PEX5L: variants seen among roughly 807,000 people sequenced by gnomAD.
PEX5L encodes the protein PEX5-related protein.
PEX5L carries 30 observed loss-of-function variants against 84.0 expected under a neutral mutation model. The ratio of observed to expected loss-of-function variants is 0.36; its 90% CI spans 0.27 to 0.48. The LOEUF (loss-of-function observed/expected upper bound fraction) is 0.48, where lower values mean the gene tolerates loss of function less well. Ranked by LOEUF, PEX5L falls within the 20% of genes least tolerant of loss-of-function variation. PEX5L has a pLI of 0.99. For synonymous variants in PEX5L, 270 were observed against 283.1 expected, an observed-to-expected ratio of 0.95 and a Z score of 0.46; for missense variants, 533 against 754.6, an observed-to-expected ratio of 0.71 and a Z score of 3.44.
intron 1 of PEX5L, among the ~76,000 whole-genome samples, chr3:179,984,680 G>A (rs1786640792): frequency 6.8e-6 from 1 of 147,148 alleles, no homozygotes; most frequent in South Asian, 2.1e-4. Context: ...TAATTATAAA[G>A]TCAATTTGTC....
At chr3:180,007,864 G>A (rs1487432831) in intron 1 of PEX5L, among the ~76,000 whole-genome samples, 1 of 152,178 alleles carries the variant, frequency 6.6e-6, no homozygotes, top group Non-Finnish European at 1.5e-5. Context: ...CCTGGGCCTG[G>A]CCCATGAGGC....
At chr3:179,955,975 T>C (rs1331968076) in intron 2 of PEX5L, among the ~76,000 whole-genome samples, 2 of 152,132 alleles carry the variant, frequency 1.3e-5, no homozygotes, top group Admixed American at 6.6e-5. Context: ...AAGAAAGTGA[T>C]TCATAACCCT....
At chr3:179,804,724 C>T (rs919535808) in intron 14 of PEX5L, among the ~76,000 whole-genome samples, 9 of 152,194 alleles carry the variant, frequency 5.9e-5, no homozygotes, top group Admixed American at 1.3e-4. Context: ...TAAACCAGCT[C>T]CTCGCTTCCT....
chr3:179,942,017 C>CAA (rs11447396), intron 2 of PEX5L, among the ~76,000 whole-genome samples: 4,547 of 88,976 alleles, frequency 0.051, 370 homozygotes, highest in African/African-American at 0.15. Context: ...TGAGACTCCT[C>CAA]AAAAAAAAAA....
chr3:179,922,443 TTTC>T (rs146048987), intron 2 of PEX5L, among the ~76,000 whole-genome samples: 43,625 of 147,262 alleles, frequency 0.3, 6,813 homozygotes, highest in East Asian at 0.59. Context: ...ACTGCTTCCT[TTTC>T]TTTTCTTTTT....
chr3:179,881,444 T>C (rs1754137123), intron 4 of PEX5L: 1 of 152,212 alleles, frequency 6.6e-6, no homozygotes, highest in African/African-American at 2.4e-5. Context: ...CGGCTTAGTG[T>C]GTGACTTGAA....
intron 1 of PEX5L, among the ~76,000 whole-genome samples, chr3:180,001,503 T>G (rs1411517719): frequency 1.3e-5 from 2 of 151,640 alleles, no homozygotes; most frequent in Non-Finnish European, 2.9e-5. Flanking sequence ...ATTTTTTTTT[T>G]GTTGTCATTG....
chr3:180,036,851 C>T lies in PEX5L; in HGVS notation c.-252G>A, dbSNP rs1791951199. On this transcript the variant is annotated 5_prime_UTR_variant, in exon 1 of 15. Transcript: ENST00000467460. ...GCGCAGAGAAGGCGAGGAGCCGGGT[C>T]GGCCAGGCTCTCCTGCAGGCGCGGG... 5 of 557,706 alleles carry T rather than the reference C, an allele frequency of 9.0e-6. No homozygotes were observed. Among genetic ancestry groups the T allele is most frequent in the Middle Eastern group, 9.8e-4 (2 of 2,036 alleles). 34.5% of individuals were successfully genotyped at this position (557,706 alleles called of 1,614,324 possible). A position where few individuals can be genotyped will look rare whatever the true frequency, so the allele number is the denominator to read the frequency against.
chr3:180,033,913 A>T (rs1318669208), intron 1 of PEX5L, among the ~76,000 whole-genome samples: 1 of 152,242 alleles, frequency 6.6e-6, no homozygotes, highest in Non-Finnish European at 1.5e-5. Context: ...TCTGTAATAG[A>T]TGCCAACTTT....
At chr3:179,941,006 T>C (rs1162443035) in intron 2 of PEX5L, among the ~76,000 whole-genome samples, 1 of 152,164 alleles carries the variant, frequency 6.6e-6, no homozygotes, top group African/African-American at 2.4e-5. Flanking sequence ...AAAAGATGAA[T>C]AAGATATAAC....
Position 179,801,686 on chromosome 3 carries a change from C to A in PEX5L, c.*142G>T. The stretch of plus-strand genomic sequence containing the variant: ...CTGAACAGAGACTGGGCATTGTCCA[C>A]AGGAATTAATTTCCTTGGGCTATAT... On this transcript the variant is annotated 3_prime_UTR_variant, in exon 15 of 15. Coordinates refer to ENST00000467460, the MANE Select transcript of PEX5L (RefSeq NM_016559.3). 1.5e-6 allele frequency: 1 copy of A among 659,814 alleles called. No homozygotes were observed. Among genetic ancestry groups the A allele is most frequent in the South Asian group, 1.9e-5 (1 of 53,418 alleles). 40.9% of individuals were successfully genotyped at this position (659,814 alleles called of 1,614,324 possible).
At chr3:179,821,446 C>T (rs1418662678) in intron 8 of PEX5L, among the ~76,000 whole-genome samples, 1 of 152,192 alleles carries the variant, frequency 6.6e-6, no homozygotes, top group Non-Finnish European at 1.5e-5. Context: ...AAGAACTCTT[C>T]TTCAGAGTTG....
intron 3 of PEX5L, chr3:179,896,299 CTGTT>C (rs1351348941): frequency 1.3e-5 from 2 of 152,072 alleles, no homozygotes; most frequent in East Asian, 1.9e-4. Context: ...AATCAGAACT[CTGTT>C]TGCTGATTCA....
In PEX5L at chr3:179,834,658, T is replaced by C. The variant is rs190063050; in HGVS notation, c.823-14682A>G. Among the ~76,000 whole-genome samples, 34 of 152,228 alleles carry C rather than the reference T, an allele frequency of 2.2e-4. No individual in the cohort carries two copies. The East Asian group carries it at 6.4e-3, about 29-fold the overall frequency. On this transcript the variant is annotated intron_variant, in intron 8 of 14. Coordinates refer to ENST00000467460, the MANE Select transcript of PEX5L (RefSeq NM_016559.3). Reference sequence around the variant, plus strand: ...GGAGTGGGAAACTCTAAATTGTGAATATGTAAGAGTCATATAATTACTATA... The same window carrying C: ...GGAGTGGGAAACTCTAAATTGTGAACATGTAAGAGTCATATAATTACTATA...
chr3:179,906,848 G>C (rs1763400235), intron 2 of PEX5L, among the ~76,000 whole-genome samples: 1 of 152,100 alleles, frequency 6.6e-6, no homozygotes, highest in Admixed American at 6.6e-5. Flanking sequence ...TGCACAAATG[G>C]AGGGACATCT....
At chr3:179,863,268 A>G (rs1746869377) in intron 7 of PEX5L, among the ~76,000 whole-genome samples, 1 of 152,204 alleles carries the variant, frequency 6.6e-6, no homozygotes, top group Non-Finnish European at 1.5e-5. Flanking sequence ...GCTACATGAC[A>G]CTAGTCTGGG....
chr3:179,971,473 T>C lies in PEX5L; in HGVS notation c.93+121A>G, dbSNP rs1579145504. On this transcript the variant is annotated intron_variant, in intron 2 of 14. Coordinates refer to ENST00000467460, the MANE Select transcript of PEX5L (RefSeq NM_016559.3). ...CGGCTTAGCTGCTCTCAAAATCTTG[T>C]TATGCAGGCTTTAGTCAGACAGGCT... 3.1e-6 allele frequency: 4 copies of C among 1,291,222 alleles called. No homozygotes were observed. In the East Asian group the frequency reaches 1.2e-4, roughly 39 times the overall value. The allele number at this position is 1,291,222 out of a possible 1,614,324, so 80.0% of individuals were successfully genotyped here. A position where few individuals can be genotyped will look rare whatever the true frequency, so the allele number is the denominator to read the frequency against.
chr3:179,978,274 A>C (rs1786001321), intron 1 of PEX5L, among the ~76,000 whole-genome samples: 1 of 152,148 alleles, frequency 6.6e-6, no homozygotes, highest in Non-Finnish European at 1.5e-5. Flanking sequence ...AAGCATCTTG[A>C]AAATATTTTC....
chr3:179,887,575 G>A (rs557517240), intron 4 of PEX5L, 98 bp downstream of exon 4: 9 of 783,618 alleles, frequency 1.1e-5, no homozygotes, highest in East Asian at 4.9e-5. Context: ...GGTTGCAAAC[G>A]TTCTTTCCTC....
Sources: gnomAD v4.1 joint callset for allele counts (sites outside exome capture counted in the v4.1 genomes callset) on GRCh38, gnomAD v4.1.1 for gene constraint, MANE v1.5 for transcripts, NCBI Gene and HGNC (gene_info 2026-07-23, HGNC 2026-07-21) for gene names.